GNAL: variants seen among roughly 807,000 people sequenced by gnomAD.
GNAL encodes the protein G protein subunit alpha L.
Under a neutral mutation model 55.1 loss-of-function variants are expected in GNAL, and 18 were observed. That is an observed-to-expected ratio of 0.33 (90% CI 0.23 to 0.48). The LOEUF is 0.48. GNAL is among the 20% of genes least tolerant of loss of function. The pLI is 0.99. For synonymous variants in GNAL, 253 were observed against 237.0 expected (o/e 1.07, Z -0.62); for missense variants, 412 against 614.1 (o/e 0.67, Z 3.48).
chr18:11,808,512 A>G (rs2034723853), intron 4 of GNAL, among the ~76,000 whole-genome samples: 1 of 152,220 alleles, frequency 6.6e-6, no homozygotes, highest in Admixed American at 6.5e-5. Context: ...TAGGATAAAT[A>G]GTAGAGTTTT....
chr18:11,826,054 A>G (rs866800502), intron 5 of GNAL, among the ~76,000 whole-genome samples: 1 of 152,220 alleles, frequency 6.6e-6, no homozygotes, highest in African/African-American at 2.4e-5. Flanking sequence ...CTGGGAATTC[A>G]TAGTATTTGG....
intron 4 of GNAL, among the ~76,000 whole-genome samples, chr18:11,775,407 C>G (rs7244275): frequency 1.5e-3 from 228 of 152,368 alleles, no homozygotes; most frequent in African/African-American, 5.4e-3. Flanking sequence ...GATGATCTCA[C>G]TTAATCCACA....
At chr18:11,816,471 G>C (rs1317961744) in intron 4 of GNAL, among the ~76,000 whole-genome samples, 1 of 151,580 alleles carries the variant, frequency 6.6e-6, no homozygotes, top group African/African-American at 2.4e-5. Flanking sequence ...TAATTTTTTT[G>C]TATTTTTATT....
At chr18:11,717,426 C>T (rs925864498) in intron 1 of GNAL, among the ~76,000 whole-genome samples, 65 of 152,338 alleles carry the variant, frequency 4.3e-4, no homozygotes, top group African/African-American at 1.5e-3. Context: ...GCCCCGAGAG[C>T]GAGTGAGGGC....
intron 1 of GNAL, among the ~76,000 whole-genome samples, chr18:11,713,101 C>T (rs761737578): frequency 4.1e-4 from 62 of 152,286 alleles, no homozygotes; most frequent in Non-Finnish European, 8.1e-4. Context: ...AAAACTGTGT[C>T]CACAAGACAT....
intron 5 of GNAL, among the ~76,000 whole-genome samples, chr18:11,860,271 C>G (rs1161407571): frequency 6.6e-6 from 1 of 152,180 alleles, no homozygotes; most frequent in Admixed American, 6.5e-5. Context: ...GTGCCAAACC[C>G]AAGTTCATGG....
chr18:11,875,677 A>G (rs941379036), intron 10 of GNAL, among the ~76,000 whole-genome samples: 2 of 152,196 alleles, frequency 1.3e-5, no homozygotes, highest in African/African-American at 4.8e-5. Context: ...CCAGAAGCCT[A>G]GCAGATACCA....
chr18:11,749,138 A>T (rs28434010), intron 1 of GNAL, among the ~76,000 whole-genome samples: 1 of 148,078 alleles, frequency 6.8e-6, no homozygotes, highest in Non-Finnish European at 1.5e-5. Context: ...AAAAAAAAAA[A>T]AAAAAAAAAA....
intron 1 of GNAL, chr18:11,747,155 C>G (rs547903946): frequency 1.3e-4 from 53 of 392,930 alleles, no homozygotes; most frequent in Non-Finnish European, 2.5e-4. Context: ...AACTGAGAGT[C>G]TGGTTTCTGC....
rs551410154 is a variant in GNAL at position 11,700,381 on chromosome 18, G to C, written c.376+10442G>C. 4.6e-5 allele frequency among the ~76,000 whole-genome samples: 7 copies of C among 152,256 alleles called. No individual in the cohort carries two copies. The East Asian group carries it at 1.3e-3, about 29-fold the overall frequency. On this transcript the variant is annotated intron_variant, in intron 1 of 11. Transcript: ENST00000334049. ...TGAAGTGTTAGCACCTGACGGGAGG[G>C]GCACACACACACTGCTCCTGCAGGC...
intron 1 of GNAL, among the ~76,000 whole-genome samples, chr18:11,738,837 C>A (rs189190224): frequency 9.2e-5 from 14 of 152,208 alleles, no homozygotes; most frequent in Admixed American, 8.5e-4. Context: ...AGTATGAGTC[C>A]GTGCAGAGCG....
At chr18:11,826,420 G>A (rs930273479) in intron 5 of GNAL, among the ~76,000 whole-genome samples, 2 of 152,034 alleles carry the variant, frequency 1.3e-5, no homozygotes, top group African/African-American at 2.4e-5. Flanking sequence ...AAGAAAGAGT[G>A]CTCATAAAGA....
At chr18:11,757,918 G>A (rs1386245057) in intron 4 of GNAL, among the ~76,000 whole-genome samples, 1 of 152,066 alleles carries the variant, frequency 6.6e-6, no homozygotes, top group African/African-American at 2.4e-5. Context: ...GGGTATTGAG[G>A]AGAGAATGTG....
intron 5 of GNAL, among the ~76,000 whole-genome samples, chr18:11,838,570 T>A (rs2143718807): frequency 6.6e-6 from 1 of 152,312 alleles, no homozygotes; most frequent in South Asian, 2.1e-4. Flanking sequence ...AGAGCTTTAC[T>A]TGGACACTTC....
intron 7 of GNAL, among the ~76,000 whole-genome samples, chr18:11,866,810 G>A (rs2036273033): frequency 1.3e-5 from 2 of 150,584 alleles, no homozygotes; most frequent in South Asian, 4.1e-4. Context: ...GACTTAGCCT[G>A]TACTCAGAGA....
At chr18:11,846,368 T>G (rs1014024313) in intron 5 of GNAL, among the ~76,000 whole-genome samples, 5 of 150,768 alleles carry the variant, frequency 3.3e-5, no homozygotes, top group Non-Finnish European at 5.9e-5. Flanking sequence ...TATTTCTTTC[T>G]CTTTCTTATT....
intron 1 of GNAL, among the ~76,000 whole-genome samples, chr18:11,703,795 G>GCGCGCACACA (rs1311432181): frequency 4.9e-4 from 70 of 141,496 alleles, no homozygotes; most frequent in African/African-American, 1.8e-3. Context: ...GTGTTGATGG[G>GCGCGCACACA]CACACACACA....
chr18:11,851,414 A>C, intron 5 of GNAL: 1 of 1,394,774 alleles, frequency 7.2e-7, no homozygotes, highest in Non-Finnish European at 9.4e-7. Flanking sequence ...AAGTGGGACC[A>C]AAACAAAGGA....
intron 1 of GNAL, among the ~76,000 whole-genome samples, chr18:11,730,310 C>T (rs1475878636): frequency 1.3e-5 from 2 of 151,934 alleles, no homozygotes; most frequent in African/African-American, 4.8e-5. Flanking sequence ...CAGGTGCCGG[C>T]ACCACGCCCA....
Sources: allele counts gnomAD v4.1 joint callset (sites outside exome capture counted in the v4.1 genomes callset), GRCh38; gene constraint gnomAD v4.1.1; transcripts MANE v1.5; gene names NCBI Gene and HGNC (gene_info 2026-07-23, HGNC 2026-07-21).